TEX15: variants seen among roughly 807,000 people sequenced by gnomAD.
The protein encoded by TEX15 is testis expressed 15, meiosis and synapsis associated, also known as testis-expressed protein 15.
TEX15 carries 171 observed loss-of-function variants against 237.3 expected under a neutral mutation model. The observed-to-expected ratio is 0.72, with a 90% CI of 0.64 to 0.82. The LOEUF (loss-of-function observed/expected upper bound fraction) is 0.82. Among genes scored for constraint, TEX15 ranks in the 40% least tolerant of loss-of-function variants. The pLI, the probability that TEX15 is intolerant of heterozygous loss-of-function variation, is 0.00. For synonymous variants in TEX15, 1,338 were observed against 1,269.8 expected (o/e 1.05, Z -1.14); for missense variants, 3,750 against 3,646.5 (o/e 1.03, Z -0.73).
intron 8 of TEX15, among the ~76,000 whole-genome samples, chr8:30,840,950 C>T (rs1452044793): frequency 6.6e-6 from 1 of 152,092 alleles, no homozygotes; most frequent in Admixed American, 6.5e-5. Flanking sequence ...CAGAGTCTTA[C>T]TCTGTCCTCC....
At position 30,848,060 on chromosome 8, in the gene TEX15, C is replaced by T; in HGVS notation, c.2107G>A (p.Glu703Lys). ...SSTSTIKDKDELDHLALEWQI... is the reference protein window; with the variant it reads ...SSTSTIKDKDKLDHLALEWQI... ...CATTCCAATGCTAGATGATCTAGTT[C>T]ATCCTTATCCTTTATGGTAGATGTA... The change falls in exon 8 of 11, where the codon GAA (glutamate) becomes AAA (lysine). Residue 703 changes from glutamate (E) to lysine (K), a missense_variant. Transcript: ENST00000643185. 6.2e-7 allele frequency: 1 copy of T among 1,613,600 alleles called. No individual in the cohort carries two copies. Among genetic ancestry groups the T allele is most frequent in the African/African-American group, 1.3e-5 (1 of 75,052 alleles).
At chr8:30,835,811 T>C (rs2128765831) in intron 10 of TEX15, among the ~76,000 whole-genome samples, 1 of 152,288 alleles carries the variant, frequency 6.6e-6, no homozygotes, top group South Asian at 2.1e-4. Context: ...AAAGAAACAA[T>C]TTCATGTTAC....
chr8:30,876,937 GC>G, intron 3 of TEX15, among the ~76,000 whole-genome samples: 2 of 152,152 alleles, frequency 1.3e-5, no homozygotes, highest in Middle Eastern at 6.8e-3. Context: ...TTTATAAGGG[GC>G]CTTTCCCTCC....
At chr8:30,887,097 G>T (rs1808666239) in intron 3 of TEX15, 70 bp downstream of exon 3, 1 of 1,332,608 alleles carries the variant, frequency 7.5e-7, no homozygotes. Flanking sequence ...AATAAAAGAT[G>T]AACATAAACT....
chr8:30,877,109 C>T (rs1000817594), intron 3 of TEX15, among the ~76,000 whole-genome samples: 1 of 152,112 alleles, frequency 6.6e-6, no homozygotes, highest in African/African-American at 2.4e-5. Flanking sequence ...CAATGTAGCA[C>T]CATCACTAGG....
At chr8:30,895,740 G>A (rs1808892119) in intron 2 of TEX15, among the ~76,000 whole-genome samples, 1 of 138,268 alleles carries the variant, frequency 7.2e-6, no homozygotes, top group Non-Finnish European at 1.5e-5. Context: ...GAGTGCAGTG[G>A]TGCGATCTCG....
chr8:30,859,891 C>A lies in TEX15; in HGVS notation c.687+20G>T. On this transcript the variant is annotated intron_variant, in intron 6 of 10. Transcript: ENST00000643185. ...GTGAAACATGTACTTTTCAAGAAAT[C>A]AAATGAACCATTAACATACTGCTGA... The A allele has an allele frequency of 7.3e-7, 1 of 1,377,832 alleles. No homozygotes were observed. The highest frequency in any genetic ancestry group is 1.8e-5 in the South Asian group (1 of 55,862). 85.4% of individuals were successfully genotyped at this position (1,377,832 alleles called of 1,614,324 possible).
chr8:30,873,010 A>G (rs773381360), intron 4 of TEX15, among the ~76,000 whole-genome samples: 9 of 152,280 alleles, frequency 5.9e-5, no homozygotes, highest in East Asian at 3.9e-4. Context: ...GTTGAGGTGT[A>G]TAAGTAGGCT....
At position 30,845,147 on chromosome 8, in the gene TEX15, A is replaced by G; in HGVS notation, c.5020T>C (p.Ser1674Pro). 7.4e-6 allele frequency: 12 copies of G among 1,613,468 alleles called. No homozygotes were observed. Among genetic ancestry groups the G allele is most frequent in the Non-Finnish European group, 9.3e-6 (11 of 1,179,492 alleles). Reference protein sequence around the residue: ...DLYQQGNLILSDCKRNLEVKW... With the variant: ...DLYQQGNLILPDCKRNLEVKW... ...ACTTCCAGGTTTCTTTTACAATCAGATAAAATAAGGTTACCTTGTTGGTAG... is the reference window on the plus strand; with the variant it reads ...ACTTCCAGGTTTCTTTTACAATCAGGTAAAATAAGGTTACCTTGTTGGTAG... Residue 1674 changes from serine to proline, a missense_variant, in exon 8 of 11, where the codon TCT becomes CCT. By Grantham distance (74) the Ser-to-Pro change is moderately conservative (BLOSUM62 -1). Transcript: ENST00000643185.
In TEX15 at chr8:30,845,573, C is replaced by T. The variant is rs758485395; in HGVS notation, c.4594G>A (p.Val1532Ile). 6.2e-7 allele frequency: 1 copy of T among 1,613,558 alleles called. No individual in the cohort carries two copies. The highest frequency in any genetic ancestry group is 1.1e-5 in the South Asian group (1 of 91,062). ...SSTSQSTSQS[V>I]YYNSSVSNPS... ...TTGCTTACACTGCTATTATAATAAA[C>T]TGACTGACTTGTACTTTGGGATGTG... The change falls in exon 8 of 11, where the codon GTT (valine) becomes ATT (isoleucine). Residue 1532 changes from valine (V) to isoleucine (I), a missense_variant. Transcript: ENST00000643185.
rs1474217311 is a variant in TEX15 at position 30,847,492 on chromosome 8, G to C, written c.2675C>G (p.Thr892Arg). The C allele has an allele frequency of 7.4e-6, 12 of 1,613,090 alleles. No homozygotes were observed. In the Admixed American group the frequency reaches 2.0e-4, roughly 27 times the overall value. Residue 892 changes from threonine to arginine, a missense_variant, in exon 8 of 11, where the codon ACA (threonine) becomes AGA (arginine). Coordinates refer to ENST00000643185, the MANE Select transcript of TEX15 (RefSeq NM_001350162.2). ...ATCTATATTGCTGAAATTTTCGTTT[G>C]TATGAGAATCCTGCTTTTTGTCTCC... ...IYGDKKQDSH[T>R]NENFSNIDEK...
chr8:30,832,692 G>C lies in TEX15; in HGVS notation c.*594C>G, dbSNP rs1466941789. The C allele has an allele frequency of 1.3e-5, 2 of 152,104 alleles. No homozygotes were observed. The highest frequency in any genetic ancestry group is 6.6e-5 in the Admixed American group (1 of 15,266). The allele number at this position is 152,104 out of a possible 1,614,324, so 9.4% of individuals were successfully genotyped here. On this transcript the variant is annotated 3_prime_UTR_variant, in exon 11 of 11. Transcript: ENST00000643185. Reference sequence around the variant, plus strand: ...TAATCTTCTGGAAATGGCTCTTGTAGAAAAAGGCATTGAAAGTGCTTCATT... The same window carrying C: ...TAATCTTCTGGAAATGGCTCTTGTACAAAAAGGCATTGAAAGTGCTTCATT...
rs1478721173 is a variant in TEX15 at position 30,832,983 on chromosome 8, A to G, written c.*303T>C. On this transcript the variant is annotated 3_prime_UTR_variant, in exon 11 of 11. Coordinates refer to ENST00000643185, the MANE Select transcript of TEX15 (RefSeq NM_001350162.2). ...GCTCAAATGGCACAATGCCATCAAC[A>G]ATGTATTGAAACATATCAGAAGCAA... is the stretch of plus-strand genomic sequence containing the variant. 1 of 201,992 alleles carries G rather than the reference A, an allele frequency of 5.0e-6. No homozygotes were observed. Among genetic ancestry groups the G allele is most frequent in the Non-Finnish European group, 9.9e-6 (1 of 101,174 alleles). 12.5% of individuals were successfully genotyped at this position (201,992 alleles called of 1,614,324 possible).
chr8:30,855,747 G>C (rs963625226), intron 7 of TEX15, among the ~76,000 whole-genome samples: 1 of 152,104 alleles, frequency 6.6e-6, no homozygotes, highest in Non-Finnish European at 1.5e-5. Flanking sequence ...AAATGGTACT[G>C]CATAAAAAGA....
rs753413197 is a variant in TEX15 at position 30,843,282 on chromosome 8, C to T, written c.6885G>A (p.Lys2295=). Residue 2295 remains lysine (K), a synonymous_variant, in exon 8 of 11, where the codon AAG becomes AAA. Transcript: ENST00000643185. ...QSFSKKYSQK[K]DEERLLRVNK... is the part of the protein sequence containing the mutation. Reference sequence around the variant, plus strand: ...TCACTCTGAGTAGCCTTTCTTCGTCCTTCTTTTGTGAGTATTTTTTGCTGA... The same window carrying T: ...TCACTCTGAGTAGCCTTTCTTCGTCTTTCTTTTGTGAGTATTTTTTGCTGA... The T allele has an allele frequency of 1.2e-6, 2 of 1,611,584 alleles. No individual in the cohort carries two copies. The highest frequency in any genetic ancestry group is 1.3e-5 in the African/African-American group (1 of 74,892).
rs772031915 is a variant in TEX15, at chr8:30,846,995, C to T, written c.3172G>A (p.Glu1058Lys). 1 of 1,613,552 alleles carries T rather than the reference C, an allele frequency of 6.2e-7. No homozygotes were observed. The highest frequency in any genetic ancestry group is 1.1e-5 in the South Asian group (1 of 91,040). ...ENLVLQSIEL[E>K]SEIEIELEDC... ...TCTAATTCTATTTCAATTTCACTTTCCAATTCAATGCTCTGAAGAACTAAG... is the reference window on the plus strand; with the variant it reads ...TCTAATTCTATTTCAATTTCACTTTTCAATTCAATGCTCTGAAGAACTAAG... Residue 1058 changes from glutamate (E) to lysine (K), a missense_variant, in exon 8 of 11, where the codon GAA (glutamate) becomes AAA (lysine). Physicochemically the swap from Glu to Lys is moderately conservative, Grantham distance 56. Coordinates refer to ENST00000643185, the MANE Select transcript of TEX15 (RefSeq NM_001350162.2).
At chr8:30,909,106 T>G (rs748719126) in intron 1 of TEX15, among the ~76,000 whole-genome samples, 1 of 152,182 alleles carries the variant, frequency 6.6e-6, no homozygotes, top group Non-Finnish European at 1.5e-5. Context: ...TAACAGTGAT[T>G]GTGTGTAGTT....
rs150893592 is a variant in TEX15 at position 30,842,757 on chromosome 8, C to T, written c.7410G>A (p.Arg2470=). 1.4e-5 allele frequency: 23 copies of T among 1,613,304 alleles called. No individual in the cohort carries two copies. The African/African-American group carries it at 2.7e-4, about 19-fold the overall frequency. ...AATCAAACCAAAGCATACCTCGAAACCTCTGTTTGTCTAGTTTCTTTGCTA... is the reference window on the plus strand; with the variant it reads ...AATCAAACCAAAGCATACCTCGAAATCTCTGTTTGTCTAGTTTCTTTGCTA... ...NSIAKKLDKQ[R]FRGMLWFDLS... Residue 2470 remains arginine (R), a synonymous_variant, in exon 8 of 11, where the codon AGG becomes AGA. Coordinates refer to ENST00000643185, the MANE Select transcript of TEX15 (RefSeq NM_001350162.2).
At chr8:30,857,090 G>A (rs1007641922) in intron 7 of TEX15, among the ~76,000 whole-genome samples, 2 of 152,136 alleles carry the variant, frequency 1.3e-5, no homozygotes, top group African/African-American at 2.4e-5. Flanking sequence ...CATGGCAAAA[G>A]GATAGGCAAA....
Sources: gnomAD v4.1 joint callset for allele counts (sites outside exome capture counted in the v4.1 genomes callset) on GRCh38, gnomAD v4.1.1 for gene constraint, MANE v1.5 for transcripts, NCBI Gene and HGNC (gene_info 2026-07-23, HGNC 2026-07-21) for gene names.